Variants in FAM149A observed in about 807,000 individuals in gnomAD.
The protein encoded by FAM149A is protein FAM149A.
Under a neutral mutation model 78.2 loss-of-function variants are expected in FAM149A, and 71 were observed. That is an observed-to-expected ratio of 0.91 (90% CI 0.75 to 1.11). FAM149A has a LOEUF of 1.11. Ranked by LOEUF, FAM149A falls within the 50% of genes least tolerant of loss-of-function variation. FAM149A has a pLI of 0.00. For missense variants in FAM149A, 1,036 were observed against 971.0 expected, an observed-to-expected ratio of 1.07 and a Z score of -0.89; for synonymous variants, 446 against 410.5, an observed-to-expected ratio of 1.09 and a Z score of -1.04.
intron 4 of FAM149A, among the ~76,000 whole-genome samples, chr4:186,152,964 C>T (rs1335882421): frequency 6.6e-6 from 1 of 151,994 alleles, no homozygotes; most frequent in African/African-American, 2.4e-5. Flanking sequence ...GTAAATGTGG[C>T]TGGATTTCCT....
rs144517246 is a variant in FAM149A at position 186,117,491 on chromosome 4, A to C, written c.566+11849A>C. 9.7e-4 allele frequency: 959 copies of C among 985,428 alleles called. 1 individual carries two copies. The highest frequency in any genetic ancestry group is 5.8e-3 in the African/African-American group (335 of 57,364). 61.0% of individuals were successfully genotyped at this position (985,428 alleles called of 1,614,324 possible). A position where few individuals can be genotyped will look rare whatever the true frequency, so the allele number is the denominator to read the frequency against. Reference sequence around the variant, plus strand: ...CGGAGATGATGCTGAACGAGGGGCGATGTCAGGGGTCTGAGTTCTAAAGAA... The same window carrying C: ...CGGAGATGATGCTGAACGAGGGGCGCTGTCAGGGGTCTGAGTTCTAAAGAA... On this transcript the variant is annotated intron_variant, in intron 1 of 13. Coordinates refer to ENST00000389354, the MANE Select transcript of FAM149A (RefSeq NM_001367768.3).
chr4:186,116,366 C>T (rs544330757), intron 1 of FAM149A: 8 of 560,058 alleles, frequency 1.4e-5, no homozygotes, highest in African/African-American at 2.0e-5. Context: ...GTGTCACTCA[C>T]GCTGGGAGCT....
chr4:186,143,731 A>G (rs1322426232), intron 1 of FAM149A, among the ~76,000 whole-genome samples: 1 of 151,294 alleles, frequency 6.6e-6, no homozygotes, highest in Non-Finnish European at 1.5e-5. Context: ...GGGTTTCACC[A>G]TGTTGGCCAG....
At chr4:186,135,420 C>T (rs1008155749) in intron 1 of FAM149A, among the ~76,000 whole-genome samples, 1 of 152,070 alleles carries the variant, frequency 6.6e-6, no homozygotes, top group East Asian at 1.9e-4. Flanking sequence ...CCCTGGTAGT[C>T]ATGGTCTGTG....
At chr4:186,152,379 G>C (rs2126472544) in intron 4 of FAM149A, among the ~76,000 whole-genome samples, 1 of 152,280 alleles carries the variant, frequency 6.6e-6, no homozygotes, top group African/African-American at 2.4e-5. Context: ...CTTCATCACA[G>C]AACACAGCGA....
At chr4:186,125,775 T>C in intron 1 of FAM149A, 1 of 985,324 alleles carries the variant, frequency 1.0e-6, no homozygotes, top group Non-Finnish European at 1.2e-6. Flanking sequence ...AGAGAGGCCG[T>C]GGGCAAGCTG....
chr4:186,136,980 C>CTCTCTCTCTCTCTT (rs2099323368), intron 1 of FAM149A, among the ~76,000 whole-genome samples: 3 of 116,008 alleles, frequency 2.6e-5, no homozygotes, highest in African/African-American at 1.0e-4. Flanking sequence ...CTCTCTTTCT[C>CTCTCTCTCTCTCTT]TCTCTCTCTC....
intron 8 of FAM149A, among the ~76,000 whole-genome samples, chr4:186,162,309 G>A (rs1734668201): frequency 6.6e-6 from 1 of 152,230 alleles, no homozygotes. Flanking sequence ...CAAGTGTGGA[G>A]AGGAGGAGAG....
At chr4:186,157,766 C>G (rs530802563) in intron 8 of FAM149A, 47 bp downstream of exon 8, 78 of 1,579,382 alleles carry the variant, frequency 4.9e-5, no homozygotes, top group Non-Finnish European at 6.3e-5. Flanking sequence ...CTCTGTGTGT[C>G]TGTCACCTCA....
rs1405069361 is a variant in FAM149A at position 186,125,810 on chromosome 4, G to T, written c.566+20168G>T. ...GGGGCCATGAATACCCAACCGTTTG[G>T]AAGGGAGGCCAAAAAGAAATACGAG... On this transcript the variant is annotated intron_variant, in intron 1 of 13. Coordinates refer to ENST00000389354, the MANE Select transcript of FAM149A (RefSeq NM_001367768.3). The T allele has an allele frequency of 1.7e-5, 17 of 985,316 alleles. No homozygotes were observed. In the South Asian group the frequency reaches 6.1e-4, roughly 35 times the overall value. 61.0% of individuals were successfully genotyped at this position (985,316 alleles called of 1,614,324 possible).
At chr4:186,108,860 T>G (rs1311516429) in intron 1 of FAM149A, among the ~76,000 whole-genome samples, 1 of 151,972 alleles carries the variant, frequency 6.6e-6, no homozygotes, top group Non-Finnish European at 1.5e-5. Flanking sequence ...GTTTTTTTTT[T>G]TTTTTGAGAC....
chr4:186,111,534 A>G (rs1398441237), intron 1 of FAM149A, among the ~76,000 whole-genome samples: 2 of 152,028 alleles, frequency 1.3e-5, no homozygotes, highest in African/African-American at 4.8e-5. Flanking sequence ...TTTAGGTCTA[A>G]CGTTTAAGTC....
chr4:186,162,485 G>C (rs949627190), intron 8 of FAM149A, among the ~76,000 whole-genome samples: 1 of 152,154 alleles, frequency 6.6e-6, no homozygotes, highest in Non-Finnish European at 1.5e-5. Context: ...AGCATGGGGG[G>C]AGACTGAAGC....
At chr4:186,123,833 C>T (rs1327464678) in intron 1 of FAM149A, 3 of 983,478 alleles carry the variant, frequency 3.1e-6, no homozygotes, top group Middle Eastern at 5.2e-4. Flanking sequence ...CCTTGATAGC[C>T]AGCATAGAAT....
intron 8 of FAM149A, chr4:186,158,516 A>T: frequency 1.0e-6 from 1 of 997,620 alleles, no homozygotes; most frequent in Non-Finnish European, 1.2e-6. Flanking sequence ...ATTGAGGTGG[A>T]AGAGCAGCCT....
intron 1 of FAM149A, among the ~76,000 whole-genome samples, chr4:186,117,228 A>G (rs1439282048): frequency 6.6e-6 from 1 of 152,232 alleles, no homozygotes; most frequent in African/African-American, 2.4e-5. Flanking sequence ...TCTTTTGTAC[A>G]AAATACAGTT....
intron 13 of FAM149A, among the ~76,000 whole-genome samples, chr4:186,170,424 C>A (rs934248659): frequency 3.3e-5 from 5 of 152,220 alleles, no homozygotes; most frequent in African/African-American, 9.6e-5. Context: ...AAGGACTCAT[C>A]CTGATCACCC....
At position 186,169,878 on chromosome 4, in the gene FAM149A, TAGAAG is replaced by T. The variant is rs1232576688; in HGVS notation, c.2219-2032_2219-2028del. 3.7e-5 allele frequency: 36 copies of T among 985,364 alleles called. No homozygotes were observed. In the Admixed American group the frequency reaches 8.6e-4, roughly 24 times the overall value. The allele number at this position is 985,364 out of a possible 1,614,324, so 61.0% of individuals were successfully genotyped here. A position where few individuals can be genotyped will look rare whatever the true frequency, so the allele number is the denominator to read the frequency against. On this transcript the variant is annotated intron_variant, in intron 13 of 13. Coordinates refer to ENST00000389354, the MANE Select transcript of FAM149A (RefSeq NM_001367768.3). ...TACTGACCCAAGACAAAAGAGCTATTAGAAGAGAGAATGCAGCCAACCAAATGCAC... is the reference window on the plus strand; with the variant it reads ...TACTGACCCAAGACAAAAGAGCTATTAGAGAATGCAGCCAACCAAATGCAC...
At chr4:186,127,399 A>C in intron 1 of FAM149A, 1 of 985,310 alleles carries the variant, frequency 1.0e-6, no homozygotes, top group East Asian at 1.1e-4. Flanking sequence ...GATGCTTTTG[A>C]CAAAAGGCTT....
Sources: allele counts gnomAD v4.1 joint callset (sites outside exome capture counted in the v4.1 genomes callset), GRCh38; gene constraint gnomAD v4.1.1; transcripts MANE v1.5; gene names NCBI Gene and HGNC (gene_info 2026-07-23, HGNC 2026-07-21).